PLXNB1: variants seen among roughly 807,000 people sequenced by gnomAD.
PLXNB1 encodes plexin-B1.
In PLXNB1, 106 loss-of-function variants were observed where a neutral mutation model predicts 209.4. The ratio of observed to expected loss-of-function variants is 0.51; its 90% CI spans 0.43 to 0.59. The LOEUF is 0.59. Ranked by LOEUF, PLXNB1 falls within the 20% of genes least tolerant of loss-of-function variation. The pLI is 0.00. For synonymous variants in PLXNB1, 1,167 were observed against 1,183.2 expected (o/e 0.99, Z 0.28); for missense variants, 2,357 against 2,853.2 (o/e 0.83, Z 3.96).
Position 48,416,016 on chromosome 3 carries a change from G to T in PLXNB1, c.3617+15C>A. On this transcript the variant is annotated intron_variant, in intron 18 of 37. Transcript: ENST00000296440. This position sits in a 1 kb window ranked among gnomAD's most constrained non-coding sequence, Gnocchi z 4.1. The stretch of plus-strand genomic sequence containing the variant: ...GAGCAGATGGATTTTTGCAGGATGA[G>T]GAAGTGGCCCTCACAAGTGACAAGG... The T allele has an allele frequency of 6.2e-7, 1 of 1,601,006 alleles. No homozygotes were observed. Among genetic ancestry groups the T allele is most frequent in the East Asian group, 2.2e-5 (1 of 44,462 alleles).
chr3:48,423,765 T>C lies in PLXNB1; in HGVS notation c.847A>G (p.Thr283Ala), dbSNP rs766177978. Reference sequence around the variant, plus strand: ...TCCCCATGCGCCACCTCCCTGGACGTGGCCACAGCTGCAGCCTGGATCAGC... The same window carrying C: ...TCCCCATGCGCCACCTCCCTGGACGCGGCCACAGCTGCAGCCTGGATCAGC... ...YGLIQAAAVA[T>A]SREVAHGEVL... The change falls in exon 3 of 38, where the codon ACG becomes GCG. Residue 283 changes from threonine to alanine, a missense_variant. Physicochemically the swap from Thr to Ala is moderately conservative, Grantham distance 58 (BLOSUM62 0). Coordinates refer to ENST00000296440, the MANE Select transcript of PLXNB1 (RefSeq NM_001130082.3). 2 of 1,613,898 alleles carry C rather than the reference T, an allele frequency of 1.2e-6. No individual in the cohort carries two copies. The highest frequency in any genetic ancestry group is 1.1e-5 in the South Asian group (1 of 91,086).
At position 48,421,308 on chromosome 3, in the gene PLXNB1, C is replaced by T. The variant is rs768315596; in HGVS notation, c.1730G>A (p.Ser577Asn). The T allele has an allele frequency of 6.3e-7, 1 of 1,598,630 alleles. No individual in the cohort carries two copies. Among genetic ancestry groups the T allele is most frequent in the South Asian group, 1.1e-5 (1 of 89,518 alleles). The change falls in exon 8 of 38, where the codon AGT becomes AAT. Residue 577 changes from serine to asparagine, a missense_variant. Physicochemically the swap from Ser to Asn is conservative, Grantham distance 46. Around this residue, in one of 7 missense-constraint regions of PLXNB1, gnomAD observed 214 missense variants for 297.1 expected, o/e 0.72. Coordinates refer to ENST00000296440, the MANE Select transcript of PLXNB1 (RefSeq NM_001130082.3). Reference protein sequence around the residue: ...SYSCHFGEHQSPALLTGSGVM... With the variant: ...SYSCHFGEHQNPALLTGSGVM... ...ACCAGAACCAGTCAGCAGGGCAGGA[C>T]TCTGATGTTCCCCAAAGTGGCAGGA...
Position 48,413,473 on chromosome 3 carries a change from T to C in PLXNB1, c.4535+197A>G, listed in dbSNP as rs984701475. 1.5e-5 allele frequency: 9 copies of C among 613,768 alleles called. No individual in the cohort carries two copies. Among genetic ancestry groups the C allele is most frequent in the African/African-American group, 1.3e-4 (7 of 54,128 alleles). The allele number at this position is 613,768 out of a possible 1,614,324, so 38.0% of individuals were successfully genotyped here. ...ACACAGCCACTTTCATGTGTTTCCA[T>C]GTCGTCCCTGGCTGCCTTTGTGCCA... On this transcript the variant is annotated intron_variant, in intron 23 of 37. Coordinates refer to ENST00000296440, the MANE Select transcript of PLXNB1 (RefSeq NM_001130082.3). The surrounding 1 kb of genome is among the most constrained non-coding windows in gnomAD (Gnocchi z 5.4).
In PLXNB1 at chr3:48,413,197, T is replaced by A. The variant is rs148037548; in HGVS notation, c.4536-28A>T. On this transcript the variant is annotated intron_variant, in intron 23 of 37. Coordinates refer to ENST00000296440, the MANE Select transcript of PLXNB1 (RefSeq NM_001130082.3). This position sits in a 1 kb window ranked among gnomAD's most constrained non-coding sequence, Gnocchi z 5.4. ...GCTCAGCCCCAGGGTCAGGAGAGGA[T>A]GGCCAGATGAGTCCTACTCGCCCAG... 1.0e-4 allele frequency: 159 copies of A among 1,563,474 alleles called. No individual in the cohort carries two copies. The East Asian group carries it at 3.5e-3, about 35-fold the overall frequency.
In PLXNB1 at chr3:48,411,440, A is replaced by G; in HGVS notation, c.5248-404T>C. Among the ~76,000 whole-genome samples the G allele has an allele frequency of 6.6e-6, 1 of 152,212 alleles. No homozygotes were observed. Among genetic ancestry groups the G allele is most frequent in the Admixed American group, 6.5e-5 (1 of 15,284 alleles). ...GCAGGCCTGAATGGGGGTTTCCCAC[A>G]GGAACCCTTGTGCGTAACTAAGGGG... On this transcript the variant is annotated intron_variant, in intron 28 of 37. Transcript: ENST00000296440. The surrounding 1 kb of genome is among the most constrained non-coding windows in gnomAD (Gnocchi z 4.0).
chr3:48,420,669 T>C lies in PLXNB1; in HGVS notation c.2024A>G (p.His675Arg), dbSNP rs778371892. 1 of 1,613,226 alleles carries C rather than the reference T, an allele frequency of 6.2e-7. No homozygotes were observed. Among genetic ancestry groups the C allele is most frequent in the South Asian group, 1.1e-5 (1 of 91,050 alleles). ...SCDAGPMVASHQSPLVSPDPP... is the reference protein window; with the variant it reads ...SCDAGPMVASRQSPLVSPDPP... The stretch of plus-strand genomic sequence containing the variant: ...CCAGCCCAAAGTCACACTCACCTGA[T>C]GGCTTGCAACCATGGGCCCAGCATC... Residue 675 changes from histidine (H) to arginine (R), a missense_variant, in exon 10 of 38, where the codon CAT becomes CGT. Coordinates refer to ENST00000296440, the MANE Select transcript of PLXNB1 (RefSeq NM_001130082.3).
Position 48,419,188 on chromosome 3 carries a change from G to A in PLXNB1, c.2832+56C>T. On this transcript the variant is annotated intron_variant, in intron 12 of 37. Coordinates refer to ENST00000296440, the MANE Select transcript of PLXNB1 (RefSeq NM_001130082.3). This position sits in a 1 kb window ranked among gnomAD's most constrained non-coding sequence, Gnocchi z 5.7. ...CCTCCTGCTCCCCAGGGCTTGTGCA[G>A]AGTTTCTCAACAGCTAAGGAGGCTG... The A allele has an allele frequency of 1.9e-6, 3 of 1,549,476 alleles. No homozygotes were observed. Among genetic ancestry groups the A allele is most frequent in the Non-Finnish European group, 2.6e-6 (3 of 1,143,244 alleles).
Position 48,410,192 on chromosome 3 carries a change from G to A in PLXNB1, c.5605+104C>T, listed in dbSNP as rs565635201. 36 of 1,446,380 alleles carry A rather than the reference G, an allele frequency of 2.5e-5. No individual in the cohort carries two copies. The highest frequency in any genetic ancestry group is 5.7e-5 in the African/African-American group (4 of 70,684). The allele number at this position is 1,446,380 out of a possible 1,614,324, so 89.6% of individuals were successfully genotyped here. On this transcript the variant is annotated intron_variant, in intron 31 of 37. Coordinates refer to ENST00000296440, the MANE Select transcript of PLXNB1 (RefSeq NM_001130082.3). This position sits in a 1 kb window ranked among gnomAD's most constrained non-coding sequence, Gnocchi z 6.4. ...ACCTGGTTGAGGGATTTCCTGGGCC[G>A]AATGGAAATAGGCACAAGCCTGCCC...
In PLXNB1 at chr3:48,421,683, C is replaced by T; in HGVS notation, c.1644G>A (p.Glu548=). 2.5e-6 allele frequency: 4 copies of T among 1,601,088 alleles called. No homozygotes were observed. Among genetic ancestry groups the T allele is most frequent in the Non-Finnish European group, 3.4e-6 (4 of 1,169,598 alleles). Residue 548 remains glutamate, a synonymous_variant, in exon 7 of 38, where the codon GAG becomes GAA. Transcript: ENST00000296440. ...AMSPANISRE[E]TREVFLSVPD... ...CTATCTGATCATTCACCTCCCTCGT[C>T]TCCTCTCGGCTGATGTTGGCAGGAC...
chr3:48,413,279 C>T lies in PLXNB1; in HGVS notation c.4536-110G>A. 1 of 845,198 alleles carries T rather than the reference C, an allele frequency of 1.2e-6. No homozygotes were observed. Among genetic ancestry groups the T allele is most frequent in the South Asian group, 1.5e-5 (1 of 68,304 alleles). 52.4% of individuals were successfully genotyped at this position (845,198 alleles called of 1,614,324 possible). A position where few individuals can be genotyped will look rare whatever the true frequency, so the allele number is the denominator to read the frequency against. ...CCTCATCCAGCACAGTCCAATGCAG[C>T]CATGCCAGCCAAGCTCAAGCCTAGC... On this transcript the variant is annotated intron_variant, in intron 23 of 37. Coordinates refer to ENST00000296440, the MANE Select transcript of PLXNB1 (RefSeq NM_001130082.3). The surrounding 1 kb of genome is among the most constrained non-coding windows in gnomAD (Gnocchi z 5.4).
In PLXNB1 at chr3:48,419,260, T is replaced by C. The variant is rs1244902801; in HGVS notation, c.2816A>G (p.Asn939Ser). 3 of 1,586,728 alleles carry C rather than the reference T, an allele frequency of 1.9e-6. No homozygotes were observed. Among genetic ancestry groups the C allele is most frequent in the Admixed American group, 3.5e-5 (2 of 57,632 alleles). ...VEREIRLLGRNLHLFQDGPGD... is the reference protein window; with the variant it reads ...VEREIRLLGRSLHLFQDGPGD... ...CACACTGACCTGGAAAAGGTGCAGG[T>C]TCCTGCCTAGCAGCCGGATTTCCCG... The change falls in exon 12 of 38, where the codon AAC (asparagine) becomes AGC (serine). Residue 939 changes from asparagine (N) to serine (S), a missense_variant. By Grantham distance (46) the Asn-to-Ser change is conservative. Around this residue, in one of 7 missense-constraint regions of PLXNB1, gnomAD observed 410 missense variants for 401.0 expected, o/e 1.02. Transcript: ENST00000296440. The surrounding 1 kb of genome is among the most constrained non-coding windows in gnomAD (Gnocchi z 5.7).
At position 48,420,255 on chromosome 3, in the gene PLXNB1, G is replaced by T; in HGVS notation, c.2031C>A (p.Ser677Arg). ...CAGGAGGGTCTGGGGAGACAAGCGG[G>T]CTCTGAAGGGGGAGGCAGAGGAAGA... is the stretch of plus-strand genomic sequence containing the variant. The part of the protein sequence containing the change: ...DAGPMVASHQ[S>R]PLVSPDPPAR... The change falls in exon 11 of 38, where the codon AGC becomes AGA. Residue 677 changes from serine (S) to arginine (R), a missense_variant and splice_region_variant. Physicochemically the swap from Ser to Arg is moderately radical, Grantham distance 110. Transcript: ENST00000296440. The T allele has an allele frequency of 6.5e-7, 1 of 1,537,814 alleles. No homozygotes were observed. Among genetic ancestry groups the T allele is most frequent in the Non-Finnish European group, 8.8e-7 (1 of 1,140,292 alleles).
chr3:48,410,299 C>G lies in PLXNB1; in HGVS notation c.5602G>C (p.Glu1868Gln), dbSNP rs762726712. 6.2e-7 allele frequency: 1 copy of G among 1,608,240 alleles called. No homozygotes were observed. The highest frequency in any genetic ancestry group is 2.2e-5 in the East Asian group (1 of 44,836). The change falls in exon 31 of 38, where the codon GAG (glutamate) becomes CAG (glutamine). Residue 1868 changes from glutamate to glutamine, a missense_variant. Transcript: ENST00000296440. This position sits in a 1 kb window ranked among gnomAD's most constrained non-coding sequence, Gnocchi z 6.4. ...CCGTGATGGGAGCGGTACTCACGCT[C>G]TCCAGGGACATAATCCTGGTTTTCC... ...LRENQDYVPG[E>Q]RTPMLEDVDE...
At position 48,415,061 on chromosome 3, in the gene PLXNB1, G is replaced by A. The variant is rs1337968022; in HGVS notation, c.3967-20C>T. On this transcript the variant is annotated intron_variant, in intron 20 of 37. Transcript: ENST00000296440. The surrounding 1 kb of genome is among the most constrained non-coding windows in gnomAD (Gnocchi z 5.0). ...CTCAAACTGGAAGGAAGACAGGCAG[G>A]TTGACGAGGGGCCAAGCAAAGATGG... 6.2e-7 allele frequency: 1 copy of A among 1,610,774 alleles called. No individual in the cohort carries two copies. Among genetic ancestry groups the A allele is most frequent in the Non-Finnish European group, 8.5e-7 (1 of 1,177,894 alleles).
chr3:48,412,841 C>T lies in PLXNB1; in HGVS notation c.4755G>A (p.Leu1585=). Residue 1585 remains leucine, a synonymous_variant, in exon 25 of 38, where the codon TTG becomes TTA. Coordinates refer to ENST00000296440, the MANE Select transcript of PLXNB1 (RefSeq NM_001130082.3). ...TCTCAGGCACACCCAGGTCCCGGTGCAAGGGCGACTCGCGGTGCCCAGGGA... is the reference window on the plus strand; with the variant it reads ...TCTCAGGCACACCCAGGTCCCGGTGTAAGGGCGACTCGCGGTGCCCAGGGA... ...IFFPGHRESP[L]HRDLGVPESR... is the part of the protein sequence containing the mutation. 1 of 1,613,724 alleles carries T rather than the reference C, an allele frequency of 6.2e-7. No homozygotes were observed. Among genetic ancestry groups the T allele is most frequent in the Non-Finnish European group, 8.5e-7 (1 of 1,180,012 alleles).
At position 48,413,828 on chromosome 3, in the gene PLXNB1, G is replaced by T; in HGVS notation, c.4387-10C>A. The stretch of plus-strand genomic sequence containing the variant: ...AGTTCCCCATCTGCACCTGTGTCAG[G>T]AGCCACCTGTGAGCAAGGGTTTGGC... On this transcript the variant is annotated splice_polypyrimidine_tract_variant and intron_variant, in intron 22 of 37. Coordinates refer to ENST00000296440, the MANE Select transcript of PLXNB1 (RefSeq NM_001130082.3). This position sits in a 1 kb window ranked among gnomAD's most constrained non-coding sequence, Gnocchi z 5.4. The T allele has an allele frequency of 6.2e-7, 1 of 1,612,076 alleles. No individual in the cohort carries two copies. Among genetic ancestry groups the T allele is most frequent in the Non-Finnish European group, 8.5e-7 (1 of 1,178,694 alleles).
rs200392198 is a variant in PLXNB1 at position 48,415,629 on chromosome 3, A to G, written c.3748T>C (p.Leu1250=). ...CCAGCAGAGGTGATGTTGGGGTCCA[A>G]GGTATACTTGAACTGTCCGCGTTGA... ...RLQRGQFKYT[L]DPNITSAGPT... is the part of the protein sequence containing the mutation. The change falls in exon 19 of 38, where the codon TTG becomes CTG. Residue 1250 remains leucine (L), a synonymous_variant. Coordinates refer to ENST00000296440, the MANE Select transcript of PLXNB1 (RefSeq NM_001130082.3). This position sits in a 1 kb window ranked among gnomAD's most constrained non-coding sequence, Gnocchi z 5.0. 7 of 1,583,856 alleles carry G rather than the reference A, an allele frequency of 4.4e-6. No homozygotes were observed. Among genetic ancestry groups the G allele is most frequent in the African/African-American group, 1.3e-5 (1 of 74,742 alleles).
In PLXNB1 at chr3:48,410,567, G is replaced by A. The variant is rs1437059227; in HGVS notation, c.5417-9C>T. The A allele has an allele frequency of 1.9e-6, 3 of 1,609,044 alleles. No homozygotes were observed. On this transcript the variant is annotated splice_polypyrimidine_tract_variant and intron_variant, in intron 29 of 37. Transcript: ENST00000296440. This position sits in a 1 kb window ranked among gnomAD's most constrained non-coding sequence, Gnocchi z 6.4. ...CACCCCAGACCGCCACTCTGCAAGG[G>A]CAAGGCAGAACTGGGTGCAGGGCTG...
rs956668949 is a variant in PLXNB1 at position 48,424,514 on chromosome 3, G to A, written c.98C>T (p.Thr33Met). Residue 33 changes from threonine (T) to methionine (M), a missense_variant, in exon 3 of 38, where the codon ACG becomes ATG. By Grantham distance (81) the Thr-to-Met change is moderately conservative. Coordinates refer to ENST00000296440, the MANE Select transcript of PLXNB1 (RefSeq NM_001130082.3). The part of the protein sequence containing the change: ...LPPTAFTPNG[T>M]YLQHLARDPT... ...GTCCCTTGCCAGGTGCTGCAGATACGTGCCATTGGGAGTGAATGCAGTTGG... is the reference window on the plus strand; with the variant it reads ...GTCCCTTGCCAGGTGCTGCAGATACATGCCATTGGGAGTGAATGCAGTTGG... 1.9e-6 allele frequency: 3 copies of A among 1,600,734 alleles called. No individual in the cohort carries two copies. Among genetic ancestry groups the A allele is most frequent in the East Asian group, 2.3e-5 (1 of 44,252 alleles).
Sources: gnomAD v4.1 joint callset for allele counts (sites outside exome capture counted in the v4.1 genomes callset) on GRCh38, gnomAD v4.1.1 for gene constraint, gnomAD v4.1.1 regional missense constraint, Gnocchi (gnomAD v3.1) non-coding constraint, MANE v1.5 for transcripts, NCBI Gene and HGNC (gene_info 2026-07-23, HGNC 2026-07-21) for gene names.